The following STAG1 variants were observed in gnomAD, a reference collection of about 807,000 sequenced individuals.
The protein encoded by STAG1 is cohesin subunit SA-1.
Under a neutral mutation model 170.9 loss-of-function variants are expected in STAG1, and 26 were observed. That is an observed-to-expected ratio of 0.15 (90% CI 0.11 to 0.21). STAG1 has a LOEUF of 0.21. STAG1 is among the 10% of genes least tolerant of loss of function. The pLI is 1.00. For missense variants in STAG1, 964 were observed against 1,509.5 expected (o/e 0.64, Z 5.99); for synonymous variants, 514 against 497.7 (o/e 1.03, Z -0.44).
At chr3:136,492,878 T>C (rs952637918) in intron 9 of STAG1, among the ~76,000 whole-genome samples, 6 of 152,170 alleles carry the variant, frequency 3.9e-5, no homozygotes, top group Admixed American at 6.5e-5. Context: ...AATAATGCTG[T>C]ACAGGTGGGT....
intron 1 of STAG1, among the ~76,000 whole-genome samples, chr3:136,697,359 A>C (rs1426860427): frequency 6.6e-6 from 1 of 152,168 alleles, no homozygotes; most frequent in Non-Finnish European, 1.5e-5. Flanking sequence ...AGTTGTTCGA[A>C]ATGCAAAATC....
At chr3:136,532,005 A>T (rs1935400390) in intron 6 of STAG1, among the ~76,000 whole-genome samples, 1 of 152,142 alleles carries the variant, frequency 6.6e-6, no homozygotes, top group South Asian at 2.1e-4. Flanking sequence ...TGCAAAATTA[A>T]CAGCAGAAAA....
intron 13 of STAG1, among the ~76,000 whole-genome samples, chr3:136,459,900 A>T (rs1240711520): frequency 6.6e-6 from 1 of 152,170 alleles, no homozygotes; most frequent in Non-Finnish European, 1.5e-5. Flanking sequence ...TATATCAAAA[A>T]ACTAGCAAAA....
rs778629714 is a variant in STAG1 at position 136,683,524 on chromosome 3, A to G, written c.-83-52543T>C. Among the ~76,000 whole-genome samples the G allele has an allele frequency of 2.0e-4, 30 of 152,208 alleles. No individual in the cohort carries two copies. The Middle Eastern group carries it at 0.01, about 52-fold the overall frequency. On this transcript the variant is annotated intron_variant, in intron 1 of 33. Coordinates refer to ENST00000383202, the MANE Select transcript of STAG1 (RefSeq NM_005862.3). ...GGTGATCCACCAGCCTCGGCCTCCCAAAGTGCTAGGATTACTGGCACGAGC... is the reference window on the plus strand; with the variant it reads ...GGTGATCCACCAGCCTCGGCCTCCCGAAGTGCTAGGATTACTGGCACGAGC...
intron 2 of STAG1, among the ~76,000 whole-genome samples, chr3:136,625,574 A>G (rs544292541): frequency 5.3e-5 from 8 of 152,350 alleles, no homozygotes; most frequent in African/African-American, 1.7e-4. Context: ...GTTATTATAC[A>G]AATTTATTGT....
Position 136,467,728 on chromosome 3 carries a change from A to T in STAG1, c.1206-2740T>A, listed in dbSNP as rs1441994001. On this transcript the variant is annotated intron_variant, in intron 12 of 33. Coordinates refer to ENST00000383202, the MANE Select transcript of STAG1 (RefSeq NM_005862.3). ...TACATTCTTCTCAGCACCACATCAC[A>T]CTTATTCCAAAATTGACCACATAGT... Among the ~76,000 whole-genome samples, 3 of 152,154 alleles carry T rather than the reference A, an allele frequency of 2.0e-5. No homozygotes were observed. The East Asian group carries it at 5.8e-4, about 29-fold the overall frequency.
chr3:136,587,390 A>C (rs1165553610), intron 4 of STAG1, among the ~76,000 whole-genome samples: 1 of 152,012 alleles, frequency 6.6e-6, no homozygotes, highest in East Asian at 1.9e-4. Context: ...AAATACAAAA[A>C]TTAGCCAGGC....
intron 29 of STAG1, chr3:136,348,952 CTCCAT>C (rs1215298545): frequency 1.7e-6 from 1 of 574,974 alleles, no homozygotes; most frequent in African/African-American, 1.9e-5. Context: ...TTCCTTTGTG[CTCCAT>C]GCTTCCTCAA....
chr3:136,573,257 G>C (rs1391022673), intron 4 of STAG1, among the ~76,000 whole-genome samples: 1 of 151,920 alleles, frequency 6.6e-6, no homozygotes, highest in Non-Finnish European at 1.5e-5. Context: ...AGTTGGCAGA[G>C]AATGGCAACT....
At chr3:136,589,260 A>G (rs1938021385) in intron 4 of STAG1, among the ~76,000 whole-genome samples, 1 of 152,080 alleles carries the variant, frequency 6.6e-6, no homozygotes, top group Admixed American at 6.5e-5. Context: ...GCAGTTTGGG[A>G]GGCCAAGGCG....
chr3:136,418,758 C>T (rs2087857807), intron 20 of STAG1, among the ~76,000 whole-genome samples: 1 of 151,952 alleles, frequency 6.6e-6, no homozygotes, highest in Non-Finnish European at 1.5e-5. Context: ...TCTCATGCCT[C>T]AGCCTCCTGA....
At chr3:136,695,824 A>T (rs753853206) in intron 1 of STAG1, among the ~76,000 whole-genome samples, 1 of 151,500 alleles carries the variant, frequency 6.6e-6, no homozygotes, top group African/African-American at 2.4e-5. Flanking sequence ...GAAAAAAAGC[A>T]ACACACAGAA....
intron 1 of STAG1, among the ~76,000 whole-genome samples, chr3:136,744,735 G>A (rs1033221334): frequency 2.0e-5 from 3 of 148,212 alleles, no homozygotes; most frequent in Non-Finnish European, 4.4e-5. Flanking sequence ...GAATGCAGTG[G>A]TGCCATCTCA....
At chr3:136,511,019 G>A (rs866104915) in intron 7 of STAG1, among the ~76,000 whole-genome samples, 59 of 152,118 alleles carry the variant, frequency 3.9e-4, no homozygotes, top group African/African-American at 1.3e-3. Flanking sequence ...TAATCCACCT[G>A]TCTCGGCCTC....
At chr3:136,497,684 A>T (rs1262493181) in intron 9 of STAG1, among the ~76,000 whole-genome samples, 4 of 151,500 alleles carry the variant, frequency 2.6e-5, no homozygotes, top group African/African-American at 4.9e-5. Flanking sequence ...AGTTAAAAAA[A>T]AAATAAAATA....
At chr3:136,372,139 A>G (rs1252791401) in intron 23 of STAG1, among the ~76,000 whole-genome samples, 1 of 152,030 alleles carries the variant, frequency 6.6e-6, no homozygotes, top group African/African-American at 2.4e-5. Flanking sequence ...GAGTTCACTC[A>G]TGATTTGGCT....
chr3:136,739,881 T>C (rs984938804), intron 1 of STAG1, among the ~76,000 whole-genome samples: 1 of 151,954 alleles, frequency 6.6e-6, no homozygotes. Context: ...ACATATATAT[T>C]ACACAGGATA....
chr3:136,469,556 T>C (rs1257661034), intron 12 of STAG1, among the ~76,000 whole-genome samples: 2 of 152,240 alleles, frequency 1.3e-5, no homozygotes, highest in African/African-American at 4.8e-5. Context: ...ATGGCCATAC[T>C]GCCCAAGGTA....
intron 21 of STAG1, among the ~76,000 whole-genome samples, chr3:136,402,840 T>A (rs1005831446): frequency 1.3e-5 from 2 of 151,226 alleles, no homozygotes; most frequent in African/African-American, 2.4e-5. Context: ...GAAAAAAAAA[T>A]AATAAATTTT....
Sources: gnomAD v4.1 joint callset for allele counts (sites outside exome capture counted in the v4.1 genomes callset) on GRCh38, gnomAD v4.1.1 for gene constraint, MANE v1.5 for transcripts, NCBI Gene and HGNC (gene_info 2026-07-23, HGNC 2026-07-21) for gene names.